Variants in UNC5D observed in about 807,000 individuals in gnomAD.
UNC5D encodes netrin receptor UNC5D.
In UNC5D, 39 loss-of-function variants were observed where a neutral mutation model predicts 105.4. The ratio of observed to expected loss-of-function variants is 0.37; its 90% CI spans 0.29 to 0.48. The LOEUF (loss-of-function observed/expected upper bound fraction) is 0.48, where lower values mean the gene tolerates loss of function less well. Among genes scored for constraint, UNC5D ranks in the 20% least tolerant of loss-of-function variants. UNC5D has a pLI of 0.98. For synonymous variants in UNC5D, 452 were observed against 450.4 expected (o/e 1.00, Z -0.04); for missense variants, 991 against 1,202.4 (o/e 0.82, Z 2.60).
At chr8:35,437,794 T>TAAA in intron 1 of UNC5D, among the ~76,000 whole-genome samples, 1 of 152,028 alleles carries the variant, frequency 6.6e-6, no homozygotes, top group Non-Finnish European at 1.5e-5. Context: ...GTACCTTTTC[T>TAAA]GCGAGAAATG....
intron 4 of UNC5D, among the ~76,000 whole-genome samples, chr8:35,679,661 T>C (rs1157715154): frequency 6.6e-6 from 1 of 152,178 alleles, no homozygotes; most frequent in African/African-American, 2.4e-5. Context: ...TGGCGTGGTC[T>C]CATCCCTTTG....
chr8:35,748,536 A>T lies in UNC5D; in HGVS notation c.1776A>T (p.Ser592=), dbSNP rs756331409. ...TTTTTCAACTGTGAAGCCTCCAGTCAGATGGCTCTGAGGTGCTCCTGAGTC... is the reference window on the plus strand; with the variant it reads ...TTTTTCAACTGTGAAGCCTCCAGTCTGATGGCTCTGAGGTGCTCCTGAGTC... The part of the protein sequence containing the change: ...SINQGEPSLQ[S]DGSEVLLSPE... The change falls in exon 12 of 17, where the codon TCA becomes TCT. Residue 592 remains serine, a synonymous_variant. Transcript: ENST00000404895. 1 of 1,612,864 alleles carries T rather than the reference A, an allele frequency of 6.2e-7. No homozygotes were observed. The highest frequency in any genetic ancestry group is 8.5e-7 in the Non-Finnish European group (1 of 1,179,600).
At chr8:35,336,549 G>T (rs1811055450) in intron 1 of UNC5D, among the ~76,000 whole-genome samples, 1 of 152,104 alleles carries the variant, frequency 6.6e-6, no homozygotes, top group South Asian at 2.1e-4. Flanking sequence ...TACTCTTTTG[G>T]TCTGAATACT....
At chr8:35,407,053 T>A (rs986190470) in intron 1 of UNC5D, among the ~76,000 whole-genome samples, 2 of 152,122 alleles carry the variant, frequency 1.3e-5, no homozygotes, top group Admixed American at 1.3e-4. Context: ...AAGATTGTAA[T>A]ACTGTATTTT....
intron 1 of UNC5D, among the ~76,000 whole-genome samples, chr8:35,487,889 G>A (rs1810937010): frequency 6.6e-6 from 1 of 152,142 alleles, no homozygotes; most frequent in Non-Finnish European, 1.5e-5. Context: ...AACGGCAAAG[G>A]ACTTGATTGA....
Position 35,750,610 on chromosome 8 carries a change from C to T in UNC5D, c.1964C>T (p.Thr655Ile), listed in dbSNP as rs1830227427. 6.2e-7 allele frequency: 1 copy of T among 1,614,008 alleles called. No homozygotes were observed. Among genetic ancestry groups the T allele is most frequent in the South Asian group, 1.1e-5 (1 of 91,086 alleles). The change falls in exon 13 of 17, where the codon ACA (threonine) becomes ATA (isoleucine). Residue 655 changes from threonine to isoleucine, a missense_variant. Coordinates refer to ENST00000404895, the MANE Select transcript of UNC5D (RefSeq NM_080872.4). The stretch of plus-strand genomic sequence containing the variant: ...GTGATGTCAGTGGAAGATGAATCTA[C>T]ATCCTGTTACTGCCTTTTGGACCCC... ...EEVMSVEDES[T>I]SCYCLLDPFA...
chr8:35,315,287 G>A (rs528957520), intron 1 of UNC5D, among the ~76,000 whole-genome samples: 3 of 152,216 alleles, frequency 2.0e-5, no homozygotes, highest in African/African-American at 4.8e-5. Context: ...TTGAGTCTAG[G>A]AATCTGCAGG....
intron 4 of UNC5D, among the ~76,000 whole-genome samples, chr8:35,669,164 G>A (rs2131266911): frequency 6.6e-6 from 1 of 152,250 alleles, no homozygotes; most frequent in Non-Finnish European, 1.5e-5. Flanking sequence ...TGACTTATCT[G>A]TGTTGAAGAT....
At chr8:35,560,425 A>G (rs555573357) in intron 2 of UNC5D, among the ~76,000 whole-genome samples, 1 of 152,352 alleles carries the variant, frequency 6.6e-6, no homozygotes, top group East Asian at 1.9e-4. Context: ...ATATATGTGT[A>G]TACACTCATG....
intron 4 of UNC5D, among the ~76,000 whole-genome samples, chr8:35,628,280 C>T (rs1821816509): frequency 6.6e-6 from 1 of 152,000 alleles, no homozygotes; most frequent in South Asian, 2.1e-4. Flanking sequence ...ATTACAGGCA[C>T]CTGCCACCAC....
chr8:35,568,335 A>G, intron 3 of UNC5D, 94 bp downstream of exon 3: 1 of 1,480,186 alleles, frequency 6.8e-7, no homozygotes, highest in Non-Finnish European at 9.1e-7. Context: ...ATGCTTCTAC[A>G]GAATGTAAAT....
At chr8:35,549,220 G>C (rs1438039712) in intron 1 of UNC5D, 72 bp from the exon 2 acceptor site, 6 of 1,405,842 alleles carry the variant, frequency 4.3e-6, no homozygotes, top group Non-Finnish European at 5.0e-6. Context: ...AGCTGGTGCA[G>C]GTTTGCCATT....
In UNC5D at chr8:35,795,794, T is replaced by C. The variant is rs1803230953; in HGVS notation, c.*5231T>C. The stretch of plus-strand genomic sequence containing the variant: ...GGGAATTTTCTGGTTGGAAGAACAA[T>C]GTTCTCCTTTTCCAAATTGGAATAA... On this transcript the variant is annotated 3_prime_UTR_variant, in exon 17 of 17. Transcript: ENST00000404895. 1 of 152,172 alleles carries C rather than the reference T, an allele frequency of 6.6e-6. No individual in the cohort carries two copies. The highest frequency in any genetic ancestry group is 1.5e-5 in the Non-Finnish European group (1 of 68,032). 9.4% of individuals were successfully genotyped at this position (152,172 alleles called of 1,614,324 possible).
chr8:35,415,835 A>C (rs1421785007), intron 1 of UNC5D, among the ~76,000 whole-genome samples: 2 of 152,152 alleles, frequency 1.3e-5, no homozygotes, highest in African/African-American at 2.4e-5. Context: ...TAAAATTTGT[A>C]ATTATTTTAT....
chr8:35,390,874 C>G (rs1450692590), intron 1 of UNC5D, among the ~76,000 whole-genome samples: 1 of 152,134 alleles, frequency 6.6e-6, no homozygotes, highest in Non-Finnish European at 1.5e-5. Context: ...CCCTATTGTT[C>G]TGAGTTAAAA....
At chr8:35,602,428 C>T (rs913130818) in intron 4 of UNC5D, among the ~76,000 whole-genome samples, 5 of 152,140 alleles carry the variant, frequency 3.3e-5, no homozygotes, top group African/African-American at 1.2e-4. Flanking sequence ...CCATCTGGTC[C>T]TGGACTTTTT....
At position 35,748,805 on chromosome 8, in the gene UNC5D, G is replaced by A. The variant is rs944826255; in HGVS notation, c.1935+110G>A. ...AATCAGCATTTCGTTGTTGGCAAAGGGTTGGTGGCAAGTGTTTTATAATAT... is the reference window on the plus strand; with the variant it reads ...AATCAGCATTTCGTTGTTGGCAAAGAGTTGGTGGCAAGTGTTTTATAATAT... On this transcript the variant is annotated intron_variant, in intron 12 of 16. Transcript: ENST00000404895. 16 of 1,290,466 alleles carry A rather than the reference G, an allele frequency of 1.2e-5. 1 individual carries two copies. Among genetic ancestry groups the A allele is most frequent in the East Asian group, 9.8e-5 (4 of 40,998 alleles). The allele number at this position is 1,290,466 out of a possible 1,614,324, so 79.9% of individuals were successfully genotyped here.
chr8:35,363,280 A>G (rs1411229661), intron 1 of UNC5D, among the ~76,000 whole-genome samples: 1 of 152,152 alleles, frequency 6.6e-6, no homozygotes, highest in Non-Finnish European at 1.5e-5. Context: ...CACATCTTAC[A>G]TGGATGGCAG....
intron 1 of UNC5D, among the ~76,000 whole-genome samples, chr8:35,472,624 T>A (rs974480203): frequency 1.7e-4 from 26 of 152,234 alleles, no homozygotes; most frequent in African/African-American, 6.3e-4. Flanking sequence ...AAATAGTGCA[T>A]GACATTTCTA....
Sources: allele counts gnomAD v4.1 joint callset (sites outside exome capture counted in the v4.1 genomes callset), GRCh38; gene constraint gnomAD v4.1.1; transcripts MANE v1.5; gene names NCBI Gene and HGNC (gene_info 2026-07-23, HGNC 2026-07-21).